Variants in PRKD1 observed in about 807,000 individuals in gnomAD.
The protein encoded by PRKD1 is serine/threonine-protein kinase D1.
In PRKD1, 63 loss-of-function variants were observed where a neutral mutation model predicts 95.9. That is an observed-to-expected ratio of 0.66 (90% CI 0.54 to 0.81). The LOEUF is 0.81. PRKD1 is among the 30% of genes least tolerant of loss of function. PRKD1 has a pLI of 0.00. For synonymous variants in PRKD1, 425 were observed against 423.1 expected (o/e 1.00, Z -0.05); for missense variants, 1,048 against 1,165.3 (o/e 0.90, Z 1.47).
chr14:29,684,466 C>T (rs1481517391), intron 2 of PRKD1, among the ~76,000 whole-genome samples: 1 of 152,188 alleles, frequency 6.6e-6, no homozygotes, highest in Non-Finnish European at 1.5e-5. Context: ...AAATAGCTAT[C>T]TCCTTCAGAC....
At chr14:29,581,926 A>G (rs1297879453) in intron 16 of PRKD1, among the ~76,000 whole-genome samples, 2 of 152,142 alleles carry the variant, frequency 1.3e-5, no homozygotes, top group Admixed American at 1.3e-4. Flanking sequence ...CAGGCCTATT[A>G]ATTATTCTTT....
intron 4 of PRKD1, among the ~76,000 whole-genome samples, chr14:29,661,351 T>C (rs1408814627): frequency 6.6e-6 from 1 of 152,186 alleles, no homozygotes; most frequent in African/African-American, 2.4e-5. Flanking sequence ...TATTCTTTAA[T>C]GTATATAGAA....
chr14:29,742,610 A>G (rs897113653), intron 1 of PRKD1, among the ~76,000 whole-genome samples: 6 of 152,194 alleles, frequency 3.9e-5, no homozygotes, highest in African/African-American at 1.4e-4. Context: ...AGGCTGAAAT[A>G]AAAAATGAGA....
chr14:29,783,142 G>C (rs1163432709), intron 1 of PRKD1, among the ~76,000 whole-genome samples: 1 of 152,058 alleles, frequency 6.6e-6, no homozygotes, highest in Non-Finnish European at 1.5e-5. Context: ...TAACTAACCT[G>C]TCTTTATTCC....
intron 2 of PRKD1, among the ~76,000 whole-genome samples, chr14:29,700,227 T>G (rs544056998): frequency 2.0e-5 from 3 of 152,206 alleles, no homozygotes; most frequent in Non-Finnish European, 4.4e-5. Flanking sequence ...ATAATCATAT[T>G]AATTGAAACT....
At chr14:29,686,945 G>T (rs1466420143) in intron 2 of PRKD1, among the ~76,000 whole-genome samples, 1 of 152,022 alleles carries the variant, frequency 6.6e-6, no homozygotes, top group East Asian at 1.9e-4. Context: ...TTTTGTCAGA[G>T]CCTTCTTCCA....
intron 2 of PRKD1, among the ~76,000 whole-genome samples, chr14:29,672,785 G>A (rs980090597): frequency 2.6e-5 from 4 of 151,992 alleles, no homozygotes; most frequent in Non-Finnish European, 5.9e-5. Flanking sequence ...AACATTCAAG[G>A]AGAGATTCCC....
Position 29,896,197 on chromosome 14 carries a change from T to A in PRKD1, c.264+31052A>T, listed in dbSNP as rs116274848. Among the ~76,000 whole-genome samples the A allele has an allele frequency of 9.6e-3, 1,463 of 152,238 alleles. 12 individuals carry two copies. The highest frequency in any genetic ancestry group is 0.034 in the African/African-American group (1,409 of 41,532). On this transcript the variant is annotated intron_variant, in intron 1 of 17. Transcript: ENST00000331968. ...ATATTTAAACAATTATCAACATTAT[T>A]TAGATGAGAAAAGAGAACTAATGAA... is the stretch of plus-strand genomic sequence containing the variant.
At chr14:29,897,069 AGAT>A (rs985741735) in intron 1 of PRKD1, among the ~76,000 whole-genome samples, 1 of 152,030 alleles carries the variant, frequency 6.6e-6, no homozygotes, top group Non-Finnish European at 1.5e-5. Context: ...TTACAATTTT[AGAT>A]AATAAGAGTA....
chr14:29,702,627 T>C (rs1006935823), intron 2 of PRKD1, among the ~76,000 whole-genome samples: 2 of 152,038 alleles, frequency 1.3e-5, no homozygotes, highest in African/African-American at 4.8e-5. Context: ...CCTTCACTTC[T>C]AGAACAGACT....
At chr14:29,920,587 TACACACACACAC>T (rs5807556) in intron 1 of PRKD1, among the ~76,000 whole-genome samples, 219 of 141,380 alleles carry the variant, frequency 1.5e-3, no homozygotes, top group African/African-American at 5.1e-3. Context: ...TCCAGTCTAA[TACACACACACAC>T]ACACACACAC....
At chr14:29,819,339 A>C (rs1335394284) in intron 1 of PRKD1, among the ~76,000 whole-genome samples, 1 of 152,184 alleles carries the variant, frequency 6.6e-6, no homozygotes, top group African/African-American at 2.4e-5. Flanking sequence ...TAATATCCTC[A>C]GACAGTTCAG....
intron 1 of PRKD1, among the ~76,000 whole-genome samples, chr14:29,729,523 A>C (rs532489231): frequency 1.3e-5 from 2 of 152,102 alleles, no homozygotes; most frequent in South Asian, 4.1e-4. Flanking sequence ...TCTCTTCATT[A>C]ATTTCTTATA....
chr14:29,725,654 G>A lies in PRKD1; in HGVS notation c.285C>T (p.Tyr95=), dbSNP rs138525430. 3.0e-5 allele frequency: 48 copies of A among 1,613,308 alleles called. No homozygotes were observed. Among genetic ancestry groups the A allele is most frequent in the African/African-American group, 2.0e-4 (15 of 74,868 alleles). ...AAAGCAGGATCTTATCATACATTCC[G>A]TAGAAACCACATTCAGGGAACTGCA... ...VDQKFPECGF[Y]GMYDKILLFR... is the part of the protein sequence containing the mutation. The change falls in exon 2 of 18, where the codon TAC becomes TAT. Residue 95 remains tyrosine, a synonymous_variant. Coordinates refer to ENST00000331968, the MANE Select transcript of PRKD1 (RefSeq NM_002742.3).
At chr14:29,750,539 T>C (rs894319475) in intron 1 of PRKD1, among the ~76,000 whole-genome samples, 3 of 152,078 alleles carry the variant, frequency 2.0e-5, no homozygotes, top group African/African-American at 7.2e-5. Flanking sequence ...GGCCAGAGCC[T>C]ATTCCAGCAG....
intron 1 of PRKD1, among the ~76,000 whole-genome samples, chr14:29,872,494 A>C (rs1395201325): frequency 1.3e-5 from 2 of 151,906 alleles, no homozygotes; most frequent in African/African-American, 4.8e-5. Flanking sequence ...TCTACTAAAA[A>C]TACAAAAATT....
At chr14:29,825,458 A>T (rs77099001) in intron 1 of PRKD1, among the ~76,000 whole-genome samples, 1 of 152,064 alleles carries the variant, frequency 6.6e-6, no homozygotes, top group Non-Finnish European at 1.5e-5. Flanking sequence ...AGTCACTACC[A>T]TGAAGCAGGA....
chr14:29,673,086 C>T (rs1447355697), intron 2 of PRKD1, among the ~76,000 whole-genome samples: 1 of 152,176 alleles, frequency 6.6e-6, no homozygotes, highest in Non-Finnish European at 1.5e-5. Context: ...TGCTGCAAAA[C>T]ATCTGCTTTA....
At chr14:29,734,608 T>A (rs1375182028) in intron 1 of PRKD1, among the ~76,000 whole-genome samples, 1 of 152,276 alleles carries the variant, frequency 6.6e-6, no homozygotes, top group Non-Finnish European at 1.5e-5. Context: ...GTGAACTTTC[T>A]CCTATTTGCT....
Sources: allele counts gnomAD v4.1 joint callset (sites outside exome capture counted in the v4.1 genomes callset), GRCh38; gene constraint gnomAD v4.1.1; transcripts MANE v1.5; gene names NCBI Gene and HGNC (gene_info 2026-07-23, HGNC 2026-07-21).